Variants in RASSF6 observed in about 807,000 individuals in gnomAD.
RASSF6 encodes the protein Ras association domain family member 6, also known as ras association domain-containing protein 6.
A neutral mutation model predicts 44.0 loss-of-function variants in RASSF6; 52 were observed. The ratio of observed to expected loss-of-function variants is 1.18; its 90% confidence interval spans 0.95 to 1.49. The LOEUF is 1.49. Among genes scored for constraint, RASSF6 ranks in the 40% most tolerant of loss-of-function variants. The probability of loss-of-function intolerance (pLI) is 0.00; values close to 1 mark genes in which losing one functional copy is unlikely to be tolerated. For missense variants in RASSF6, 464 were observed against 393.3 expected, an observed-to-expected ratio of 1.18 and a Z score of -1.52; for synonymous variants, 162 against 124.6, an observed-to-expected ratio of 1.30 and a Z score of -2.00.
At chr4:73,587,787 C>T (rs1724212369) in intron 5 of RASSF6, 53 bp downstream of exon 5, 1 of 1,120,434 alleles carries the variant, frequency 8.9e-7, no homozygotes, top group Admixed American at 1.7e-5. Context: ...TGGAGTCATA[C>T]TTTACACTAA....
At chr4:73,576,358 G>T in intron 10 of RASSF6, 48 bp from the exon 11 acceptor site, 1 of 1,464,272 alleles carries the variant, frequency 6.8e-7, no homozygotes, top group Non-Finnish European at 9.5e-7. Flanking sequence ...CATATTTTGT[G>T]CATTGGACAT....
chr4:73,575,114 A>C lies in RASSF6; in HGVS notation c.*1121T>G, dbSNP rs1723128143. 6.6e-6 allele frequency: 1 copy of C among 152,168 alleles called. No individual in the cohort carries two copies. Among genetic ancestry groups the C allele is most frequent in the Non-Finnish European group, 1.5e-5 (1 of 68,010 alleles). 9.4% of individuals were successfully genotyped at this position (152,168 alleles called of 1,614,324 possible). ...CATATTTTAATATTGTTAATCTTCC[A>C]GTTGGGTTTACTGCATATAATCTCA... On this transcript the variant is annotated 3_prime_UTR_variant, in exon 11 of 11. Transcript: ENST00000307439.
In RASSF6 at chr4:73,611,771, G is replaced by A. The variant is rs1169557722; in HGVS notation, c.25C>T (p.Pro9Ser). The change falls in exon 2 of 11, where the codon CCC becomes TCC. Residue 9 changes from proline (P) to serine (S), a missense_variant. Transcript: ENST00000307439. MTMMAHQY[P>S]SWIFINEKTF... is the part of the protein sequence containing the mutation. Reference sequence around the variant, plus strand: ...TTCTCATTAATGAAGATCCAAGAGGGGTACTGGTGAGCCATCATAGTCATC... The same window carrying A: ...TTCTCATTAATGAAGATCCAAGAGGAGTACTGGTGAGCCATCATAGTCATC... The A allele has an allele frequency of 6.2e-7, 1 of 1,611,066 alleles. No individual in the cohort carries two copies. Among genetic ancestry groups the A allele is most frequent in the East Asian group, 2.2e-5 (1 of 44,704 alleles).
Position 73,576,415 on chromosome 4 carries a change from T to G in RASSF6, c.933A>C (p.Val311=). 6.4e-7 allele frequency: 1 copy of G among 1,556,304 alleles called. No individual in the cohort carries two copies. The highest frequency in any genetic ancestry group is 8.8e-7 in the Non-Finnish European group (1 of 1,139,400). Residue 311 remains valine (V), a synonymous_variant, in exon 10 of 11, where the codon GTA becomes GTC. Transcript: ENST00000307439. ...TGTGCATGCTCTTGACTTACTTTGT[T>G]ACTATTCTTTGAATCTCTCTTTTCT... ...EEEKREIQRI[V]TKFNKEKAII... is the part of the protein sequence containing the mutation.
intron 4 of RASSF6, among the ~76,000 whole-genome samples, chr4:73,593,203 A>G (rs1197959538): frequency 1.3e-5 from 2 of 151,930 alleles, no homozygotes; most frequent in Admixed American, 6.6e-5. Flanking sequence ...TTTAGTAGAG[A>G]CAGGGTTTCA....
At chr4:73,586,589 T>C (rs1164594151) in intron 5 of RASSF6, among the ~76,000 whole-genome samples, 1 of 151,980 alleles carries the variant, frequency 6.6e-6, no homozygotes, top group Non-Finnish European at 1.5e-5. Flanking sequence ...TGTGGTGGCA[T>C]TTGTGTTTTA....
intron 2 of RASSF6, among the ~76,000 whole-genome samples, chr4:73,600,239 C>A (rs781648367): frequency 1.3e-5 from 2 of 152,156 alleles, no homozygotes; most frequent in Non-Finnish European, 2.9e-5. Context: ...GGTATGTATG[C>A]ATTTTGTTCA....
chr4:73,582,444 G>T (rs1723740480), intron 6 of RASSF6, among the ~76,000 whole-genome samples, 154 bp from the exon 7 acceptor site: 2 of 151,856 alleles, frequency 1.3e-5, no homozygotes, highest in Non-Finnish European at 2.9e-5. Flanking sequence ...TGTTGTTTTT[G>T]AATATTATGT....
At chr4:73,605,137 G>T (rs1439406392) in intron 2 of RASSF6, among the ~76,000 whole-genome samples, 3 of 152,014 alleles carry the variant, frequency 2.0e-5, no homozygotes, top group South Asian at 2.1e-4. Flanking sequence ...TGATCCACCT[G>T]CCTCAGCCTC....
intron 1 of RASSF6, among the ~76,000 whole-genome samples, chr4:73,614,450 T>C (rs897844681): frequency 3.3e-5 from 5 of 152,192 alleles, no homozygotes; most frequent in African/African-American, 1.2e-4. Flanking sequence ...GCCTGGACCC[T>C]TCCACCATGT....
chr4:73,582,249 G>T lies in RASSF6; in HGVS notation c.609C>A (p.Val203=). The change falls in exon 7 of 11, where the codon GTC becomes GTA. Residue 203 remains valine, a synonymous_variant. Transcript: ENST00000307439. ...FIPAFESETK[V]RVNSNMRTEE... ...CAGTTCTCATGTTACTGTTTACTCT[G>T]ACCTTAGTTTCTGATTCAAAGGCTG... The T allele has an allele frequency of 6.3e-7, 1 of 1,596,626 alleles. No homozygotes were observed.
intron 4 of RASSF6, 148 bp from the exon 5 acceptor site, chr4:73,588,082 T>C: frequency 2.1e-6 from 1 of 479,822 alleles, no homozygotes; most frequent in Middle Eastern, 3.3e-4. Flanking sequence ...TATGATATTA[T>C]TAAAATTATA....
chr4:73,619,285 G>A (rs763488688), intron 1 of RASSF6, among the ~76,000 whole-genome samples: 5 of 152,152 alleles, frequency 3.3e-5, no homozygotes, highest in Non-Finnish European at 7.3e-5. Context: ...TAGCAAATAT[G>A]TCTGAATTTG....
chr4:73,611,821 G>C lies in RASSF6; in HGVS notation c.-26C>G. ...CTTTTCCTCCTTTTTGAGATGGTCT[G>C]AGGATATCCTAAACATGAGAATAAT... is the stretch of plus-strand genomic sequence containing the variant. On this transcript the variant is annotated 5_prime_UTR_variant, in exon 2 of 11. Coordinates refer to ENST00000307439, the MANE Select transcript of RASSF6 (RefSeq NM_177532.5). The C allele has an allele frequency of 6.3e-7, 1 of 1,596,202 alleles. No homozygotes were observed. The highest frequency in any genetic ancestry group is 1.3e-5 in the African/African-American group (1 of 74,554).
At chr4:73,602,895 T>G (rs1725370454) in intron 2 of RASSF6, among the ~76,000 whole-genome samples, 1 of 152,108 alleles carries the variant, frequency 6.6e-6, no homozygotes, top group South Asian at 2.1e-4. Flanking sequence ...GAGACCATCC[T>G]GGATAACACG....
At chr4:73,606,685 G>T (rs1006028359) in intron 2 of RASSF6, among the ~76,000 whole-genome samples, 1 of 151,222 alleles carries the variant, frequency 6.6e-6, no homozygotes, top group Admixed American at 6.6e-5. Flanking sequence ...ACACAGGTGT[G>T]CCACACAACA....
At chr4:73,579,758 T>A (rs908635579) in intron 8 of RASSF6, among the ~76,000 whole-genome samples, 2 of 152,086 alleles carry the variant, frequency 1.3e-5, no homozygotes, top group African/African-American at 4.8e-5. Context: ...AGTCCAGTAT[T>A]GCTACCATTT....
At chr4:73,587,161 C>T (rs921711778) in intron 5 of RASSF6, among the ~76,000 whole-genome samples, 2 of 151,974 alleles carry the variant, frequency 1.3e-5, no homozygotes, top group East Asian at 3.9e-4. Context: ...TGATACTTAC[C>T]AGAGTCTCAT....
chr4:73,587,670 A>G (rs1724203025), intron 5 of RASSF6, among the ~76,000 whole-genome samples, 170 bp downstream of exon 5: 1 of 151,974 alleles, frequency 6.6e-6, no homozygotes, highest in African/African-American at 2.4e-5. Context: ...CAAGCACTAT[A>G]GTGACTTAAG....
Sources: allele counts gnomAD v4.1 joint callset (sites outside exome capture counted in the v4.1 genomes callset), GRCh38; gene constraint gnomAD v4.1.1; transcripts MANE v1.5; gene names NCBI Gene and HGNC (gene_info 2026-07-23, HGNC 2026-07-21).